NMNAT2: variants seen among roughly 807,000 people sequenced by gnomAD.
The protein encoded by NMNAT2 is nicotinamide nucleotide adenylyltransferase 2, also known as nicotinamide/nicotinic acid mononucleotide adenylyltransferase 2.
In NMNAT2, 11 loss-of-function variants were observed where a neutral mutation model predicts 41.6. The ratio of observed to expected loss-of-function variants is 0.26; its 90% CI spans 0.17 to 0.44. The LOEUF is 0.44. Among genes scored for constraint, NMNAT2 ranks in the 20% least tolerant of loss-of-function variants. The pLI, the probability that NMNAT2 is intolerant of heterozygous loss-of-function variation, is 1.00. For synonymous variants in NMNAT2, 148 were observed against 151.2 expected (o/e 0.98, Z 0.16); for missense variants, 288 against 407.7 (o/e 0.71, Z 2.53).
At chr1:183,338,911 G>A (rs1662735343) in intron 1 of NMNAT2, among the ~76,000 whole-genome samples, 1 of 152,088 alleles carries the variant, frequency 6.6e-6, no homozygotes, top group African/African-American at 2.4e-5. Flanking sequence ...TCTGTCTCGG[G>A]CTATGAGTTG....
At chr1:183,396,000 CCT>C (rs755606748) in intron 1 of NMNAT2, among the ~76,000 whole-genome samples, 1 of 152,178 alleles carries the variant, frequency 6.6e-6, no homozygotes, top group Non-Finnish European at 1.5e-5. Flanking sequence ...TCCTTTTGCT[CCT>C]CTCACTGTCC....
chr1:183,308,494 A>T (rs539601048), intron 1 of NMNAT2, among the ~76,000 whole-genome samples: 24 of 152,340 alleles, frequency 1.6e-4, no homozygotes, highest in Admixed American at 1.6e-3. Flanking sequence ...GTGCACAGAG[A>T]TGTATTCAAA....
At chr1:183,280,194 G>C (rs573387329) in intron 7 of NMNAT2, among the ~76,000 whole-genome samples, 1 of 152,094 alleles carries the variant, frequency 6.6e-6, no homozygotes, top group Non-Finnish European at 1.5e-5. Context: ...CTTATTTCTC[G>C]GATTCTGTTG....
At chr1:183,265,685 A>C (rs1318900196) in intron 8 of NMNAT2, among the ~76,000 whole-genome samples, 1 of 152,154 alleles carries the variant, frequency 6.6e-6, no homozygotes, top group South Asian at 2.1e-4. Context: ...CATCAAAACA[A>C]ATCCAAGAAT....
At position 183,418,170 on chromosome 1, in the gene NMNAT2, C is replaced by A. The variant is rs3738817; in HGVS notation, c.85+13G>T. ...AGCGGAAGCGGCTTCCAGAGGTGGG[C>A]GGGAGGACTCACCAAACATCTGAAT... On this transcript the variant is annotated intron_variant, in intron 1 of 10. Transcript: ENST00000287713. 3.7e-6 allele frequency: 6 copies of A among 1,612,068 alleles called. No homozygotes were observed. The East Asian group carries it at 6.7e-5, about 18-fold the overall frequency.
chr1:183,281,059 A>G (rs1308976167), intron 7 of NMNAT2, among the ~76,000 whole-genome samples: 1 of 152,086 alleles, frequency 6.6e-6, no homozygotes, highest in Non-Finnish European at 1.5e-5. Flanking sequence ...TGCTGGGATT[A>G]TAGGCTTGAG....
chr1:183,275,697 G>T (rs1003719194), intron 8 of NMNAT2, among the ~76,000 whole-genome samples: 5 of 151,782 alleles, frequency 3.3e-5, no homozygotes, highest in African/African-American at 1.2e-4. Flanking sequence ...TTTTTAGACA[G>T]AGTCTTGCTC....
intron 1 of NMNAT2, among the ~76,000 whole-genome samples, chr1:183,322,655 A>G (rs2811552): frequency 0.025 from 3,742 of 152,228 alleles, 144 homozygotes; most frequent in African/African-American, 0.085. Context: ...CTGGGTCCCA[A>G]TGGCCCCTCA....
chr1:183,341,725 C>CAAAAAAAAAAAAAAAAAAAAA lies in NMNAT2; in HGVS notation c.86-47953_86-47933dup, dbSNP rs762935303. On this transcript the variant is annotated intron_variant, in intron 1 of 10. Transcript: ENST00000287713. ...GAGGAAAAGACAAACAAACAAACAC[C>CAAAAAAAAAAAAAAAAAAAAA]AAAAAAAAAAAAAAAAAAAAAACCT... 2.6e-3 allele frequency among the ~76,000 whole-genome samples: 57 copies of CAAAAAAAAAAAAAAAAAAAAA among 22,208 alleles called. 7 individuals are homozygous for CAAAAAAAAAAAAAAAAAAAAA. The highest frequency in any genetic ancestry group is 7.9e-3 in the East Asian group (2 of 252). The allele number at this position is 22,208 out of a possible 152,430, so 14.6% of individuals were successfully genotyped here.
At chr1:183,326,709 AG>A (rs1662472010) in intron 1 of NMNAT2, among the ~76,000 whole-genome samples, 2 of 152,308 alleles carry the variant, frequency 1.3e-5, no homozygotes, top group Non-Finnish European at 1.5e-5. Flanking sequence ...ACTCATGAAA[AG>A]CACCCTGGGC....
chr1:183,311,715 C>T (rs1662122668), intron 1 of NMNAT2, among the ~76,000 whole-genome samples: 1 of 142,252 alleles, frequency 7.0e-6, no homozygotes, highest in African/African-American at 2.7e-5. Context: ...ATCACACGTC[C>T]AGTCCCTACA....
chr1:183,416,984 C>T (rs1649272848), intron 1 of NMNAT2, among the ~76,000 whole-genome samples: 1 of 152,144 alleles, frequency 6.6e-6, no homozygotes, highest in African/African-American at 2.4e-5. Context: ...CAGGGCCTCC[C>T]ACACGCTCTC....
intron 1 of NMNAT2, among the ~76,000 whole-genome samples, chr1:183,347,989 T>C (rs1662968642): frequency 6.6e-6 from 1 of 152,222 alleles, no homozygotes; most frequent in Admixed American, 6.5e-5. Flanking sequence ...CCAAGGAGAT[T>C]CCTGATATAC....
chr1:183,249,592 C>G lies in NMNAT2; in HGVS notation c.*3049G>C, dbSNP rs1660318062. The G allele has an allele frequency of 6.6e-6, 1 of 151,818 alleles. No homozygotes were observed. The highest frequency in any genetic ancestry group is 1.5e-5 in the Non-Finnish European group (1 of 68,114). The allele number at this position is 151,818 out of a possible 1,614,324, so 9.4% of individuals were successfully genotyped here. A position where few individuals can be genotyped will look rare whatever the true frequency, so the allele number is the denominator to read the frequency against. On this transcript the variant is annotated 3_prime_UTR_variant, in exon 11 of 11. Transcript: ENST00000287713. Reference sequence around the variant, plus strand: ...CCACTTCAGACTCTGAATCATCTTTCTGGTATTGACTGTGGCTGGGTCATG... The same window carrying G: ...CCACTTCAGACTCTGAATCATCTTTGTGGTATTGACTGTGGCTGGGTCATG...
intron 1 of NMNAT2, among the ~76,000 whole-genome samples, chr1:183,371,234 G>A (rs1453793212): frequency 6.6e-6 from 1 of 152,150 alleles, no homozygotes; most frequent in Non-Finnish European, 1.5e-5. Context: ...GCTATATACA[G>A]CATGATTCCA....
chr1:183,291,187 G>T (rs1661531353), intron 3 of NMNAT2, among the ~76,000 whole-genome samples: 1 of 152,138 alleles, frequency 6.6e-6, no homozygotes. Context: ...AAAGTGCTGG[G>T]ATTACAAGCA....
Position 183,280,939 on chromosome 1 carries a change from C to T in NMNAT2, c.575-2310G>A, listed in dbSNP as rs1002102585. Among the ~76,000 whole-genome samples, 10 of 151,522 alleles carry T rather than the reference C, an allele frequency of 6.6e-5. No individual in the cohort carries two copies. In the East Asian group the frequency reaches 7.8e-4, roughly 12 times the overall value. ...CAGCTGGGATTACAGACATGTGCCA[C>T]CACACCCGGCTAATTTTGTATTTTT... On this transcript the variant is annotated intron_variant, in intron 7 of 10. Transcript: ENST00000287713.
At chr1:183,317,126 T>C (rs936991907) in intron 1 of NMNAT2, among the ~76,000 whole-genome samples, 5 of 152,240 alleles carry the variant, frequency 3.3e-5, no homozygotes, top group African/African-American at 1.2e-4. Context: ...TAGACTCTTC[T>C]AAATGGGAAC....
rs181478061 is a variant in NMNAT2 at position 183,313,111 on chromosome 1, C to A, written c.86-19318G>T. Among the ~76,000 whole-genome samples, 516 of 152,214 alleles carry A rather than the reference C, an allele frequency of 3.4e-3. 5 individuals carry two copies. Among genetic ancestry groups the A allele is most frequent in the African/African-American group, 0.012 (483 of 41,522 alleles). ...CCCCCAGCCCCCATCCCCTCCTCCCCCAACACGCACGCATCTATTCAATTT... is the reference window on the plus strand; with the variant it reads ...CCCCCAGCCCCCATCCCCTCCTCCCACAACACGCACGCATCTATTCAATTT... On this transcript the variant is annotated intron_variant, in intron 1 of 10. Transcript: ENST00000287713.
Sources: gnomAD v4.1 joint callset for allele counts (sites outside exome capture counted in the v4.1 genomes callset) on GRCh38, gnomAD v4.1.1 for gene constraint, MANE v1.5 for transcripts, NCBI Gene and HGNC (gene_info 2026-07-23, HGNC 2026-07-21) for gene names.